The following SYT1 variants were observed in gnomAD, a reference collection of about 807,000 sequenced individuals.
The protein encoded by SYT1 is synaptotagmin 1, also known as synaptotagmin-1.
SYT1 carries 8 observed loss-of-function variants against 44.8 expected under a neutral mutation model. The ratio of observed to expected loss-of-function variants is 0.18; its 90% CI spans 0.10 to 0.32. SYT1 has a LOEUF of 0.32. SYT1 is among the 10% of genes least tolerant of loss of function. The pLI is 1.00. For synonymous variants in SYT1, 154 were observed against 188.8 expected (o/e 0.82, Z 1.51); for missense variants, 286 against 509.3 (o/e 0.56, Z 4.22).
At chr12:79,090,845 A>G (rs1877727134) in intron 3 of SYT1, among the ~76,000 whole-genome samples, 1 of 151,976 alleles carries the variant, frequency 6.6e-6, no homozygotes, top group South Asian at 2.1e-4. Flanking sequence ...TGTGCAGAGA[A>G]GGTCTATCAG....
chr12:79,146,425 G>C (rs1395561881), intron 3 of SYT1, among the ~76,000 whole-genome samples: 1 of 152,154 alleles, frequency 6.6e-6, no homozygotes, highest in Admixed American at 6.5e-5. Flanking sequence ...GCCTAAGAAA[G>C]TTCATTACCT....
chr12:79,199,295 T>C (rs560651869), intron 3 of SYT1, among the ~76,000 whole-genome samples: 1 of 152,266 alleles, frequency 6.6e-6, no homozygotes, highest in East Asian at 1.9e-4. Context: ...CTCTGCAAAA[T>C]GCTGGCTGAA....
chr12:78,974,138 T>C (rs537274949), intron 1 of SYT1, among the ~76,000 whole-genome samples: 42 of 150,578 alleles, frequency 2.8e-4, no homozygotes, highest in African/African-American at 9.7e-4. Flanking sequence ...CTATTGCTCC[T>C]AAGCTCAAAA....
At chr12:78,942,392 A>G (rs1878425180) in intron 1 of SYT1, among the ~76,000 whole-genome samples, 1 of 152,082 alleles carries the variant, frequency 6.6e-6, no homozygotes, top group African/African-American at 2.4e-5. Context: ...CGATTCTCCA[A>G]ATATGCCTAA....
intron 9 of SYT1, among the ~76,000 whole-genome samples, chr12:79,387,137 C>T (rs2136084675): frequency 6.6e-6 from 1 of 152,270 alleles, no homozygotes; most frequent in South Asian, 2.1e-4. Flanking sequence ...TCATTTTCAG[C>T]ATTTCTGCTC....
At chr12:79,315,486 A>T (rs1181970757) in intron 8 of SYT1, among the ~76,000 whole-genome samples, 1 of 152,176 alleles carries the variant, frequency 6.6e-6, no homozygotes, top group African/African-American at 2.4e-5. Flanking sequence ...TAACCTGTGG[A>T]TCACCACAGC....
Position 79,398,944 on chromosome 12 carries a change from A to C in SYT1, c.929-45129A>C, listed in dbSNP as rs1319620904. On this transcript the variant is annotated intron_variant, in intron 9 of 10. Transcript: ENST00000261205. ...TCTTCTCCAACCCCTGCTCCAAGTC[A>C]CTGTCCAGCTCAACACGACCATACG... Among the ~76,000 whole-genome samples, 5 of 152,152 alleles carry C rather than the reference A, an allele frequency of 3.3e-5. No individual in the cohort carries two copies. In the East Asian group the frequency reaches 9.6e-4, roughly 29 times the overall value.
chr12:79,434,099 C>T (rs1242286797), intron 9 of SYT1, among the ~76,000 whole-genome samples: 2 of 152,180 alleles, frequency 1.3e-5, no homozygotes, highest in Non-Finnish European at 2.9e-5. Flanking sequence ...ATAATAACAA[C>T]AGTTTGCATT....
chr12:79,073,500 G>A (rs1876427761), intron 3 of SYT1, among the ~76,000 whole-genome samples: 1 of 152,054 alleles, frequency 6.6e-6, no homozygotes, highest in South Asian at 2.1e-4. Context: ...TACATCAGCG[G>A]GATGACCTCT....
intron 1 of SYT1, among the ~76,000 whole-genome samples, chr12:78,889,174 A>G (rs566132240): frequency 6.6e-6 from 1 of 152,010 alleles, no homozygotes; most frequent in Admixed American, 6.6e-5. Flanking sequence ...GTTAAGAACT[A>G]GTTCAGGATT....
intron 7 of SYT1, among the ~76,000 whole-genome samples, chr12:79,298,654 A>G (rs745727897): frequency 2.0e-5 from 3 of 152,084 alleles, no homozygotes; most frequent in Non-Finnish European, 2.9e-5. Flanking sequence ...AAACATCCCA[A>G]CCCATAGCAT....
At chr12:79,022,410 G>T in intron 2 of SYT1, among the ~76,000 whole-genome samples, 1 of 151,688 alleles carries the variant, frequency 6.6e-6, no homozygotes. Flanking sequence ...AAGATTCTAG[G>T]ATTAAAACTA....
At chr12:79,102,750 T>C (rs535446387) in intron 3 of SYT1, among the ~76,000 whole-genome samples, 9 of 152,310 alleles carry the variant, frequency 5.9e-5, no homozygotes, top group Admixed American at 5.2e-4. Context: ...ATTTGTGGTA[T>C]AGATAAAATG....
chr12:79,217,528 CGA>C lies in SYT1; in HGVS notation c.13_14del (p.His6ProfsTer2). ...CTTCACCTGAACCTAAAATGGTGAG[CGA>C]GAGTCACCATGAGGCCCTGGCAGCC... The part of the protein sequence containing the change: MVS[E>X]SHHEALAAPP... On this transcript the variant is annotated frameshift_variant, in exon 4 of 11. Transcript: ENST00000261205. LOFTEE classifies it high-confidence loss of function. The C allele has an allele frequency of 6.3e-7, 1 of 1,593,256 alleles. No homozygotes were observed. The highest frequency in any genetic ancestry group is 8.5e-7 in the Non-Finnish European group (1 of 1,171,224).
In SYT1 at chr12:79,215,918, C is replaced by CTTTTTT. The variant is rs71091653; in HGVS notation, c.-17-1560_-17-1555dup. ...ACTCACAAATCGTTTGCATTTCTTT[C>CTTTTTT]TTTTTTTTTTTTTTTTTTTTTTTTT... On this transcript the variant is annotated intron_variant, in intron 3 of 10. Coordinates refer to ENST00000261205, the MANE Select transcript of SYT1 (RefSeq NM_005639.3). Among the ~76,000 whole-genome samples the CTTTTTT allele has an allele frequency of 2.5e-3, 193 of 76,796 alleles. 11 individuals are homozygous for CTTTTTT. The highest frequency in any genetic ancestry group is 3.6e-3 in the Non-Finnish European group (157 of 43,896). The allele number at this position is 76,796 out of a possible 152,430, so 50.4% of individuals were successfully genotyped here.
intron 8 of SYT1, among the ~76,000 whole-genome samples, chr12:79,351,693 A>G (rs1224245302): frequency 6.6e-6 from 1 of 152,156 alleles, no homozygotes; most frequent in Non-Finnish European, 1.5e-5. Context: ...GATACTCTGA[A>G]GAGTAATTTA....
chr12:79,312,010 A>C (rs1490346461), intron 8 of SYT1, among the ~76,000 whole-genome samples: 1 of 151,928 alleles, frequency 6.6e-6, no homozygotes, highest in Non-Finnish European at 1.5e-5. Flanking sequence ...CTAAAACTTA[A>C]AGTGTAATAA....
At chr12:79,404,921 A>T (rs372889337) in intron 9 of SYT1, among the ~76,000 whole-genome samples, 1 of 152,158 alleles carries the variant, frequency 6.6e-6, no homozygotes, top group Non-Finnish European at 1.5e-5. Flanking sequence ...AGGTTAATAC[A>T]TTAAGGCAGC....
intron 1 of SYT1, among the ~76,000 whole-genome samples, chr12:78,892,450 A>T (rs541167098): frequency 4.8e-4 from 73 of 151,798 alleles, no homozygotes; most frequent in Non-Finnish European, 9.4e-4. Flanking sequence ...AATATAAAAT[A>T]GAGAAAATAT....
Sources: gnomAD v4.1 joint callset for allele counts (sites outside exome capture counted in the v4.1 genomes callset) on GRCh38, gnomAD v4.1.1 for gene constraint, MANE v1.5 for transcripts, NCBI Gene and HGNC (gene_info 2026-07-23, HGNC 2026-07-21) for gene names.